PTPN14: variants seen among roughly 807,000 people sequenced by gnomAD.
The protein encoded by PTPN14 is tyrosine-protein phosphatase non-receptor type 14.
In PTPN14, 53 loss-of-function variants were observed where a neutral mutation model predicts 126.8. The ratio of observed to expected loss-of-function variants is 0.42; its 90% confidence interval spans 0.34 to 0.53. PTPN14 has a LOEUF of 0.53. Ranked by LOEUF, PTPN14 falls within the 20% of genes least tolerant of loss-of-function variation. The pLI, the probability that PTPN14 is intolerant of heterozygous loss-of-function variation, is 0.08. For missense variants in PTPN14, 1,257 were observed against 1,552.9 expected (o/e 0.81, Z 3.20); for synonymous variants, 630 against 599.3 (o/e 1.05, Z -0.75).
intron 3 of PTPN14, among the ~76,000 whole-genome samples, chr1:214,431,906 C>T (rs937291306): frequency 3.9e-5 from 6 of 152,144 alleles, no homozygotes; most frequent in Non-Finnish European, 5.9e-5. Flanking sequence ...ATCAGCCAAG[C>T]GCAGTGGCTC....
chr1:214,483,475 T>G (rs1661048311), intron 1 of PTPN14: 1 of 829,934 alleles, frequency 1.2e-6, no homozygotes, highest in East Asian at 2.6e-5. Context: ...CTGCGACCCT[T>G]CCCCACCCGC....
At position 214,383,625 on chromosome 1, in the gene PTPN14, T is replaced by G. The variant is rs1291496442; in HGVS notation, c.2230A>C (p.Ile744Leu). Residue 744 changes from isoleucine (I) to leucine (L), a missense_variant, in exon 13 of 19, where the codon ATC becomes CTC. Coordinates refer to ENST00000366956, the MANE Select transcript of PTPN14 (RefSeq NM_005401.5). The surrounding 1 kb of genome is among the most constrained non-coding windows in gnomAD (Gnocchi z 4.4). ...TACTCAGGCGGGGGCTTGTTGGGGA[T>G]GCGGGCCAGGGCCGCCTGCAGCTGG... The part of the protein sequence containing the change: ...SAQLQAALAR[I>L]PNKPPPEYPG... 1 of 1,613,246 alleles carries G rather than the reference T, an allele frequency of 6.2e-7. No homozygotes were observed. Among genetic ancestry groups the G allele is most frequent in the Non-Finnish European group, 8.5e-7 (1 of 1,179,940 alleles).
At chr1:214,372,660 G>T in intron 16 of PTPN14, 51 bp downstream of exon 16, 1 of 1,612,290 alleles carries the variant, frequency 6.2e-7, no homozygotes, top group Non-Finnish European at 8.5e-7. Flanking sequence ...CCATCTTCTG[G>T]CCACCCTTTC....
intron 7 of PTPN14, among the ~76,000 whole-genome samples, chr1:214,401,404 A>C (rs547898225): frequency 4.6e-5 from 7 of 152,378 alleles, no homozygotes; most frequent in Non-Finnish European, 1.0e-4. Context: ...ATAAGGCTGG[A>C]TATCAGCCTT....
intron 1 of PTPN14, among the ~76,000 whole-genome samples, chr1:214,550,107 C>T (rs1236592384): frequency 6.6e-6 from 1 of 152,220 alleles, no homozygotes; most frequent in Non-Finnish European, 1.5e-5. Context: ...TCACAGAACC[C>T]CTCTTCCATG....
intron 13 of PTPN14, 34 bp from the exon 14 acceptor site, chr1:214,378,136 A>G (rs984541151): frequency 1.3e-6 from 2 of 1,583,900 alleles, no homozygotes; most frequent in South Asian, 2.3e-5. Context: ...CTCATTGTTT[A>G]TAATACTAGT....
chr1:214,537,262 G>A (rs1021744707), intron 1 of PTPN14, among the ~76,000 whole-genome samples: 8 of 152,092 alleles, frequency 5.3e-5, no homozygotes, highest in Non-Finnish European at 1.2e-4. Flanking sequence ...GGGTACCCCC[G>A]GTAGATACTA....
intron 1 of PTPN14, among the ~76,000 whole-genome samples, chr1:214,472,652 G>T (rs189298286): frequency 6.6e-6 from 1 of 152,252 alleles, no homozygotes; most frequent in East Asian, 1.9e-4. Flanking sequence ...CCTTAGATGG[G>T]TCTGAATTCT....
chr1:214,538,142 T>A (rs1655752345), intron 1 of PTPN14, among the ~76,000 whole-genome samples: 2 of 152,070 alleles, frequency 1.3e-5, no homozygotes, highest in Non-Finnish European at 2.9e-5. Flanking sequence ...GAAAAACATC[T>A]CCACTTTCGA....
intron 18 of PTPN14, among the ~76,000 whole-genome samples, chr1:214,362,768 C>T (rs755132497): frequency 2.0e-5 from 3 of 151,976 alleles, no homozygotes; most frequent in African/African-American, 4.8e-5. Flanking sequence ...CTCAGGAGAC[C>T]GAGGTGGAAG....
At chr1:214,362,589 T>C (rs1450998338) in intron 18 of PTPN14, among the ~76,000 whole-genome samples, 1 of 152,254 alleles carries the variant, frequency 6.6e-6, no homozygotes, top group Non-Finnish European at 1.5e-5. Context: ...TGTCATTGCC[T>C]CACTGAGGCT....
intron 1 of PTPN14, among the ~76,000 whole-genome samples, chr1:214,490,706 G>A (rs957588477): frequency 4.6e-5 from 7 of 150,888 alleles, no homozygotes; most frequent in Non-Finnish European, 1.0e-4. Flanking sequence ...GCGTGGTGGT[G>A]CGCGCCTGTA....
At chr1:214,530,520 T>C (rs1370889057) in intron 1 of PTPN14, 1 of 151,966 alleles carries the variant, frequency 6.6e-6, no homozygotes, top group East Asian at 1.9e-4. Context: ...TTTTGTATTT[T>C]TTGTAGAGAC....
chr1:214,398,220 T>A (rs1658931746), intron 7 of PTPN14, among the ~76,000 whole-genome samples: 1 of 152,214 alleles, frequency 6.6e-6, no homozygotes, highest in African/African-American at 2.4e-5. Context: ...CAATGCTAAA[T>A]GAAATAAGCC....
At chr1:214,361,962 GA>G (rs1434502994) in intron 18 of PTPN14, among the ~76,000 whole-genome samples, 5 of 152,188 alleles carry the variant, frequency 3.3e-5, no homozygotes, top group Non-Finnish European at 7.3e-5. Context: ...CCAGGAAAAA[GA>G]AAGGCCATTT....
At chr1:214,434,311 G>T (rs938697172) in intron 3 of PTPN14, among the ~76,000 whole-genome samples, 1 of 152,170 alleles carries the variant, frequency 6.6e-6, no homozygotes, top group Non-Finnish European at 1.5e-5. Flanking sequence ...GGAAAGAGAG[G>T]ATTTTGAGGA....
Position 214,349,814 on chromosome 1 carries a change from T to C in PTPN14, c.*8108A>G, listed in dbSNP as rs1027016005. The C allele has an allele frequency of 2.0e-5, 3 of 152,038 alleles. No individual in the cohort carries two copies. Among genetic ancestry groups the C allele is most frequent in the African/African-American group, 7.2e-5 (3 of 41,416 alleles). The allele number at this position is 152,038 out of a possible 1,614,324, so 9.4% of individuals were successfully genotyped here. A position where few individuals can be genotyped will look rare whatever the true frequency, so the allele number is the denominator to read the frequency against. On this transcript the variant is annotated 3_prime_UTR_variant, in exon 19 of 19. Transcript: ENST00000366956. ...AAATTGCAGTAAAATTGTACAATGT[T>C]CAAGTTGAAAAAAAAAATGGCTCTG...
At chr1:214,405,718 A>G (rs1228597243) in intron 5 of PTPN14, among the ~76,000 whole-genome samples, 1 of 152,186 alleles carries the variant, frequency 6.6e-6, no homozygotes, top group Non-Finnish European at 1.5e-5. Flanking sequence ...CAATAATAAT[A>G]TGACAACTAA....
At chr1:214,547,168 T>C (rs888775730) in intron 1 of PTPN14, among the ~76,000 whole-genome samples, 2 of 152,200 alleles carry the variant, frequency 1.3e-5, no homozygotes, top group Non-Finnish European at 2.9e-5. Flanking sequence ...ATAATCAGCA[T>C]GCATGCAATA....
Sources: gnomAD v4.1 joint callset for allele counts (sites outside exome capture counted in the v4.1 genomes callset) on GRCh38, gnomAD v4.1.1 for gene constraint, Gnocchi (gnomAD v3.1) non-coding constraint, MANE v1.5 for transcripts, NCBI Gene and HGNC (gene_info 2026-07-23, HGNC 2026-07-21) for gene names.